URB1: variants seen among roughly 807,000 people sequenced by gnomAD.
The protein encoded by URB1 is URB1 ribosome biogenesis factor.
In URB1, 197 loss-of-function variants were observed where a neutral mutation model predicts 242.3. That is an observed-to-expected ratio of 0.81 (90% CI 0.72 to 0.91). The LOEUF (loss-of-function observed/expected upper bound fraction) is 0.91. URB1 is among the 40% of genes least tolerant of loss of function. The pLI is 0.00. For synonymous variants in URB1, 1,153 were observed against 1,201.8 expected, an observed-to-expected ratio of 0.96 and a Z score of 0.84; for missense variants, 2,721 against 2,860.5, an observed-to-expected ratio of 0.95 and a Z score of 1.11.
intron 20 of URB1, among the ~76,000 whole-genome samples, chr21:32,349,921 C>G (rs2033138006): frequency 6.6e-6 from 1 of 151,508 alleles, no homozygotes; most frequent in African/African-American, 2.4e-5. Flanking sequence ...ATGGCGAAAC[C>G]CCATCTCTAC....
intron 10 of URB1, among the ~76,000 whole-genome samples, chr21:32,365,279 T>C (rs183527845): frequency 1.6e-4 from 25 of 152,082 alleles, no homozygotes; most frequent in African/African-American, 6.0e-4. Context: ...ACACTGTCTA[T>C]ACAAAAAATA....
Position 32,385,619 on chromosome 21 carries a change from C to T in URB1, c.208G>A (p.Gly70Arg). The T allele has an allele frequency of 2.6e-6, 4 of 1,551,852 alleles. No homozygotes were observed. Among genetic ancestry groups the T allele is most frequent in the Non-Finnish European group, 3.5e-6 (4 of 1,147,030 alleles). The change falls in exon 2 of 39, where the codon GGG (glycine) becomes AGG (arginine). Residue 70 changes from glycine (G) to arginine (R), a missense_variant. Coordinates refer to ENST00000382751, the MANE Select transcript of URB1 (RefSeq NM_014825.3). ...PREDVYDVVE[G>R]YIKISVECVE... Reference sequence around the variant, plus strand: ...CACTCAACAGAAATCTTTATATACCCTTCCACAACATCATACACATCTTCT... The same window carrying T: ...CACTCAACAGAAATCTTTATATACCTTTCCACAACATCATACACATCTTCT...
chr21:32,374,306 T>C (rs911744010), intron 6 of URB1, among the ~76,000 whole-genome samples: 2 of 152,208 alleles, frequency 1.3e-5, no homozygotes, highest in Non-Finnish European at 2.9e-5. Context: ...CAAGTAGAAT[T>C]GTGGCACAAA....
intron 29 of URB1, 22 bp downstream of exon 29, chr21:32,334,141 G>C: frequency 6.5e-7 from 1 of 1,529,714 alleles, no homozygotes. Flanking sequence ...GGTGGGTAGG[G>C]ACAGAACAGC....
intron 17 of URB1, among the ~76,000 whole-genome samples, chr21:32,354,607 A>G (rs2033197608): frequency 6.6e-6 from 1 of 152,236 alleles, no homozygotes; most frequent in Non-Finnish European, 1.5e-5. Context: ...TGAGATTTAC[A>G]TGAGTTAGAA....
intron 20 of URB1, among the ~76,000 whole-genome samples, chr21:32,350,217 T>A (rs1452110233): frequency 6.6e-6 from 1 of 151,788 alleles, no homozygotes; most frequent in Non-Finnish European, 1.5e-5. Context: ...CAGATCACTG[T>A]GAGCCCAGGA....
At chr21:32,340,567 C>T (rs1386204225) in intron 25 of URB1, among the ~76,000 whole-genome samples, 3 of 150,308 alleles carry the variant, frequency 2.0e-5, no homozygotes, top group East Asian at 3.9e-4. Context: ...AAGCCGAGAT[C>T]ACACCATTGT....
Position 32,312,212 on chromosome 21 carries a change from C to T in URB1, c.*2706G>A, listed in dbSNP as rs1443826167. The T allele has an allele frequency of 3.4e-6, 5 of 1,458,300 alleles. No homozygotes were observed. Among genetic ancestry groups the T allele is most frequent in the East Asian group, 5.0e-5 (2 of 39,944 alleles). The allele number at this position is 1,458,300 out of a possible 1,614,324, so 90.3% of individuals were successfully genotyped here. On this transcript the variant is annotated 3_prime_UTR_variant, in exon 39 of 39. Coordinates refer to ENST00000382751, the MANE Select transcript of URB1 (RefSeq NM_014825.3). Reference sequence around the variant, plus strand: ...CAGGTGTTGCTGAGTTTATTGAGCACACCTAGCCTGCTTGCTTACTGCTTA... The same window carrying T: ...CAGGTGTTGCTGAGTTTATTGAGCATACCTAGCCTGCTTGCTTACTGCTTA...
chr21:32,360,088 C>T (rs1601144806), intron 13 of URB1, among the ~76,000 whole-genome samples, 180 bp from the exon 14 acceptor site: 6 of 152,214 alleles, frequency 3.9e-5, no homozygotes, highest in African/African-American at 9.6e-5. Flanking sequence ...TGTACCCCCA[C>T]GCCCTGGTCT....
chr21:32,343,155 TATA>T (rs1422962704), intron 24 of URB1, among the ~76,000 whole-genome samples: 2 of 152,264 alleles, frequency 1.3e-5, no homozygotes, highest in African/African-American at 2.4e-5. Context: ...TCACCAAACT[TATA>T]ATGAGATAGA....
At chr21:32,370,482 T>C (rs1332842691) in intron 8 of URB1, among the ~76,000 whole-genome samples, 1 of 152,214 alleles carries the variant, frequency 6.6e-6, no homozygotes, top group African/African-American at 2.4e-5. Flanking sequence ...ATCAACAACG[T>C]AATAAAATGG....
At chr21:32,336,214 T>C (rs752711893) in intron 28 of URB1, among the ~76,000 whole-genome samples, 4 of 152,172 alleles carry the variant, frequency 2.6e-5, no homozygotes, top group Non-Finnish European at 4.4e-5. Flanking sequence ...CATTTCCTTT[T>C]TCTTTCTTTT....
At chr21:32,337,666 G>A (rs1010972099) in intron 26 of URB1, among the ~76,000 whole-genome samples, 152 bp from the exon 27 acceptor site, 28 of 151,620 alleles carry the variant, frequency 1.8e-4, no homozygotes, top group African/African-American at 3.6e-4. Flanking sequence ...TCCCTTCCCC[G>A]CTTATTTTTT....
At chr21:32,353,910 A>G in intron 18 of URB1, 23 bp downstream of exon 18, 1 of 1,549,950 alleles carries the variant, frequency 6.5e-7, no homozygotes, top group Non-Finnish European at 8.7e-7. Context: ...TGCAGCCAAG[A>G]CATCCTGACT....
chr21:32,343,269 G>T (rs920641583), intron 24 of URB1, among the ~76,000 whole-genome samples: 1 of 152,030 alleles, frequency 6.6e-6, no homozygotes, highest in Non-Finnish European at 1.5e-5. Flanking sequence ...ACAAAAACCA[G>T]TAATTCCAAA....
intron 10 of URB1, among the ~76,000 whole-genome samples, chr21:32,364,399 A>C (rs1021975336): frequency 6.6e-6 from 1 of 152,182 alleles, no homozygotes; most frequent in Non-Finnish European, 1.5e-5. Context: ...CGACACTGAG[A>C]TCTGAAAAGC....
At chr21:32,318,617 C>T (rs907121118) in intron 36 of URB1, among the ~76,000 whole-genome samples, 1 of 152,206 alleles carries the variant, frequency 6.6e-6, no homozygotes, top group African/African-American at 2.4e-5. Flanking sequence ...CTTCTGGTTC[C>T]GGTTAGCATA....
At chr21:32,342,311 T>C (rs1249553816) in intron 24 of URB1, among the ~76,000 whole-genome samples, 2 of 152,190 alleles carry the variant, frequency 1.3e-5, no homozygotes, top group Non-Finnish European at 1.5e-5. Flanking sequence ...GGATGATCAA[T>C]GCTGGCTCCA....
chr21:32,324,566 G>A lies in URB1; in HGVS notation c.5158C>T (p.Arg1720Ter), dbSNP rs1022577576. Residue 1720 changes from arginine (R) to a stop codon, truncating the protein, a stop_gained, in exon 32 of 39, where the codon CGA (arginine) becomes TGA (stop). Transcript: ENST00000382751. LOFTEE classifies it high-confidence loss of function. ...YLLDVVRNGI[R>*]TQDMRLTFTL... ...AAAGTAAGTCTCATGTCCTGAGTTCGAATCCCATTCCGGACTACATCCAAC... is the reference window on the plus strand; with the variant it reads ...AAAGTAAGTCTCATGTCCTGAGTTCAAATCCCATTCCGGACTACATCCAAC... 3.9e-6 allele frequency: 6 copies of A among 1,551,780 alleles called. No homozygotes were observed. Among genetic ancestry groups the A allele is most frequent in the South Asian group, 2.4e-5 (2 of 84,062 alleles).
Sources: gnomAD v4.1 joint callset for allele counts (sites outside exome capture counted in the v4.1 genomes callset) on GRCh38, gnomAD v4.1.1 for gene constraint, MANE v1.5 for transcripts, NCBI Gene and HGNC (gene_info 2026-07-23, HGNC 2026-07-21) for gene names.